GRM8: variants seen among roughly 807,000 people sequenced by gnomAD.
The protein encoded by GRM8 is metabotropic glutamate receptor 8.
A neutral mutation model predicts 87.2 loss-of-function variants in GRM8; 47 were observed. The ratio of observed to expected loss-of-function variants is 0.54; its 90% CI spans 0.43 to 0.69. GRM8 has a LOEUF of 0.69. Among genes scored for constraint, GRM8 ranks in the 30% least tolerant of loss-of-function variants. GRM8 has a pLI of 0.00. For missense variants in GRM8, 1,019 were observed against 1,139.2 expected (o/e 0.89, Z 1.52); for synonymous variants, 396 against 404.5 (o/e 0.98, Z 0.25).
chr7:126,618,764 C>T (rs1224820883), intron 7 of GRM8, among the ~76,000 whole-genome samples: 3 of 152,134 alleles, frequency 2.0e-5, no homozygotes, highest in Admixed American at 6.6e-5. Flanking sequence ...CCAACAGACA[C>T]ATGAAAAAAT....
At chr7:126,559,420 A>G (rs1014654893) in intron 8 of GRM8, among the ~76,000 whole-genome samples, 2 of 151,754 alleles carry the variant, frequency 1.3e-5, no homozygotes, top group African/African-American at 4.8e-5. Flanking sequence ...TGATCCACCC[A>G]CCTCGGCCTC....
rs1231794325 is a variant in GRM8 at position 126,763,460 on chromosome 7, TATATATATATATAC to T, written c.1357+6391_1357+6404del. 9.5e-4 allele frequency among the ~76,000 whole-genome samples: 61 copies of T among 64,058 alleles called. 1 individual carries two copies. The highest frequency in any genetic ancestry group is 2.3e-3 in the South Asian group (3 of 1,322). 42.0% of individuals were successfully genotyped at this position (64,058 alleles called of 152,430 possible). A position where few individuals can be genotyped will look rare whatever the true frequency, so the allele number is the denominator to read the frequency against. ...ATAAATTCATATATATATATATATA[TATATATATATATAC>T]ACACACACACACACACACACACAAT... is the stretch of plus-strand genomic sequence containing the variant. On this transcript the variant is annotated intron_variant, in intron 7 of 10. Transcript: ENST00000339582.
At chr7:126,941,662 C>A (rs939165316) in intron 3 of GRM8, among the ~76,000 whole-genome samples, 15 of 151,422 alleles carry the variant, frequency 9.9e-5, no homozygotes, top group African/African-American at 3.6e-4. Context: ...AATTAGCAGA[C>A]AAGTTCGTGT....
At chr7:126,832,530 T>C (rs1455819674) in intron 6 of GRM8, among the ~76,000 whole-genome samples, 1 of 152,216 alleles carries the variant, frequency 6.6e-6, no homozygotes, top group Non-Finnish European at 1.5e-5. Context: ...CTTTTTTCTA[T>C]ACTACAATTA....
chr7:126,804,855 C>T (rs1403327469), intron 6 of GRM8, among the ~76,000 whole-genome samples: 2 of 152,118 alleles, frequency 1.3e-5, no homozygotes, highest in South Asian at 4.1e-4. Flanking sequence ...ATTTGTAGGA[C>T]TTTCAGAATC....
At chr7:126,823,940 A>T (rs1794524685) in intron 6 of GRM8, among the ~76,000 whole-genome samples, 1 of 152,138 alleles carries the variant, frequency 6.6e-6, no homozygotes, top group Non-Finnish European at 1.5e-5. Flanking sequence ...CCATATTTCC[A>T]TATATAAGAT....
chr7:126,635,862 T>A (rs1801800920), intron 7 of GRM8, among the ~76,000 whole-genome samples: 1 of 152,132 alleles, frequency 6.6e-6, no homozygotes, highest in Non-Finnish European at 1.5e-5. Context: ...ATAATAAATT[T>A]ACCACTTTAT....
chr7:126,796,473 C>A (rs1260530110), intron 6 of GRM8, among the ~76,000 whole-genome samples: 1 of 152,046 alleles, frequency 6.6e-6, no homozygotes, highest in Non-Finnish European at 1.5e-5. Context: ...ACTTAAATGA[C>A]CTTCACTGAG....
At chr7:126,993,691 TG>T (rs924679434) in intron 3 of GRM8, among the ~76,000 whole-genome samples, 1 of 152,086 alleles carries the variant, frequency 6.6e-6, no homozygotes, top group Admixed American at 6.6e-5. Context: ...GCACAGTGAC[TG>T]GGGGACTTTG....
intron 7 of GRM8, among the ~76,000 whole-genome samples, chr7:126,665,021 C>A (rs1360313636): frequency 6.6e-6 from 1 of 152,136 alleles, no homozygotes; most frequent in African/African-American, 2.4e-5. Flanking sequence ...AAATGCTCAA[C>A]ATCATTAATC....
chr7:126,802,214 T>G (rs1363577607), intron 6 of GRM8, among the ~76,000 whole-genome samples: 1 of 152,182 alleles, frequency 6.6e-6, no homozygotes, highest in Non-Finnish European at 1.5e-5. Context: ...TCTATTCTCT[T>G]GGCAATTTTC....
At chr7:127,067,175 C>T (rs1025462697) in intron 3 of GRM8, among the ~76,000 whole-genome samples, 5 of 152,130 alleles carry the variant, frequency 3.3e-5, no homozygotes, top group African/African-American at 9.7e-5. Flanking sequence ...CTTTGTTGAC[C>T]ACCTCCCTCT....
At chr7:127,093,578 T>A (rs953484184) in intron 3 of GRM8, among the ~76,000 whole-genome samples, 2 of 152,224 alleles carry the variant, frequency 1.3e-5, no homozygotes, top group African/African-American at 4.8e-5. Flanking sequence ...TGACCATAAG[T>A]ACCAATGCCT....
chr7:126,470,178 CT>C (rs1245779288), intron 9 of GRM8, among the ~76,000 whole-genome samples: 3 of 151,720 alleles, frequency 2.0e-5, no homozygotes, highest in Non-Finnish European at 4.4e-5. Flanking sequence ...AGAAGAATTT[CT>C]TTTTTTTATT....
chr7:126,725,119 T>G (rs1009266192), intron 7 of GRM8, among the ~76,000 whole-genome samples: 1 of 152,220 alleles, frequency 6.6e-6, no homozygotes, highest in East Asian at 1.9e-4. Context: ...ACAGGTAGAT[T>G]GTAGCCAACT....
intron 9 of GRM8, among the ~76,000 whole-genome samples, chr7:126,487,710 T>G (rs78023995): frequency 6.6e-6 from 1 of 152,026 alleles, no homozygotes; most frequent in East Asian, 1.9e-4. Flanking sequence ...GATTTTACTA[T>G]AGAATATAAA....
At chr7:126,774,393 G>A (rs780130588) in intron 6 of GRM8, among the ~76,000 whole-genome samples, 4 of 152,116 alleles carry the variant, frequency 2.6e-5, no homozygotes, top group East Asian at 1.9e-4. Context: ...TAGTGTTAAC[G>A]TATTGCTATA....
At chr7:126,833,601 A>T (rs1052495168) in intron 6 of GRM8, among the ~76,000 whole-genome samples, 1 of 152,182 alleles carries the variant, frequency 6.6e-6, no homozygotes, top group Non-Finnish European at 1.5e-5. Flanking sequence ...TGAGAGACAG[A>T]GAGGAAGCCC....
intron 9 of GRM8, among the ~76,000 whole-genome samples, chr7:126,510,295 A>C (rs1046506046): frequency 4.4e-4 from 30 of 68,372 alleles, no homozygotes; most frequent in African/African-American, 1.2e-3. Flanking sequence ...GGTTTTAGCA[A>C]AAAAAAAAAA....
Sources: gnomAD v4.1 joint callset for allele counts (sites outside exome capture counted in the v4.1 genomes callset) on GRCh38, gnomAD v4.1.1 for gene constraint, MANE v1.5 for transcripts, NCBI Gene and HGNC (gene_info 2026-07-23, HGNC 2026-07-21) for gene names.